PI4K2A: variants seen among roughly 807,000 people sequenced by gnomAD.
The protein encoded by PI4K2A is phosphatidylinositol 4-kinase type 2 alpha.
In PI4K2A, 20 loss-of-function variants were observed where a neutral mutation model predicts 55.0. The ratio of observed to expected loss-of-function variants is 0.36; its 90% CI spans 0.26 to 0.53. PI4K2A has a LOEUF of 0.53. Among genes scored for constraint, PI4K2A ranks in the 20% least tolerant of loss-of-function variants. The probability of loss-of-function intolerance (pLI) is 0.91; values close to 1 mark genes in which losing one functional copy is unlikely to be tolerated. For synonymous variants in PI4K2A, 235 were observed against 258.5 expected (o/e 0.91, Z 0.87); for missense variants, 463 against 637.1 (o/e 0.73, Z 2.94).
exon 2 of PI4K2A, chr10:97,651,111 A>C: frequency 3.7e-6 from 6 of 1,613,572 alleles, no homozygotes; most frequent in Non-Finnish European, 5.1e-6. Flanking sequence ...TGGACCAAAA[A>C]CTGGAACTCA....
At chr10:97,667,737 G>A (rs1564776988) in intron 8 of PI4K2A, among the ~76,000 whole-genome samples, 1 of 152,188 alleles carries the variant, frequency 6.6e-6, no homozygotes, top group Admixed American at 6.5e-5. Flanking sequence ...GTATGTTTTG[G>A]TGGTTAAGAT....
At chr10:97,665,118 A>C (rs564826079) in intron 6 of PI4K2A, 134 bp downstream of exon 6, 11 of 588,522 alleles carry the variant, frequency 1.9e-5, no homozygotes, top group Non-Finnish European at 3.3e-5. Flanking sequence ...AGGCACTTTA[A>C]CACAATGGCT....
rs1183100302 is a variant in PI4K2A at position 97,642,806 on chromosome 10, T to TCTTCCTTCCTTC, written c.435+1665_435+1676dup. On this transcript the variant is annotated intron_variant, in intron 1 of 8. Transcript: ENST00000370631. ...GCCAGAGGCTTGCTTGCTTTCTCTT[T>TCTTCCTTCCTTC]CTTCCTTCCTTCCTTCCTTCCTTCC... is the stretch of plus-strand genomic sequence containing the variant. 2.4e-4 allele frequency among the ~76,000 whole-genome samples: 25 copies of TCTTCCTTCCTTC among 105,388 alleles called. 1 individual carries two copies. Among genetic ancestry groups the TCTTCCTTCCTTC allele is most frequent in the Admixed American group, 1.6e-3 (15 of 9,540 alleles). The allele number at this position is 105,388 out of a possible 152,430, so 69.1% of individuals were successfully genotyped here. A position where few individuals can be genotyped will look rare whatever the true frequency, so the allele number is the denominator to read the frequency against.
chr10:97,664,763 C>T (rs1016402956), intron 5 of PI4K2A, 122 bp from the exon 6 acceptor site: 5 of 660,730 alleles, frequency 7.6e-6, no homozygotes, highest in African/African-American at 7.2e-5. Context: ...CAGAGAGTAG[C>T]TCAAGATAAG....
At chr10:97,665,685 T>TG (rs2041606707) in intron 6 of PI4K2A, among the ~76,000 whole-genome samples, 1 of 152,010 alleles carries the variant, frequency 6.6e-6, no homozygotes, top group Non-Finnish European at 1.5e-5. Flanking sequence ...CTCCTCCTCC[T>TG]GGGTTCACAC....
chr10:97,672,824 C>G (rs926626247), intron 8 of PI4K2A, among the ~76,000 whole-genome samples: 2 of 148,244 alleles, frequency 1.3e-5, no homozygotes, highest in African/African-American at 5.0e-5. Context: ...CTCCACCTCC[C>G]AGGTTCAAGT....
chr10:97,668,693 G>C (rs1014963312), intron 8 of PI4K2A, among the ~76,000 whole-genome samples: 19 of 152,272 alleles, frequency 1.2e-4, no homozygotes, highest in Non-Finnish European at 2.4e-4. Context: ...ATAGCTGTTA[G>C]GATTATGATT....
chr10:97,640,876 G>C (rs1204242501), exon 1 of PI4K2A: 5 of 1,307,538 alleles, frequency 3.8e-6, no homozygotes, highest in Non-Finnish European at 3.9e-6. Context: ...GCCGGCTCGG[G>C]CCCCTCTCCG....
At chr10:97,672,730 T>TTTG (rs1346081703) in intron 8 of PI4K2A, among the ~76,000 whole-genome samples, 1 of 134,562 alleles carries the variant, frequency 7.4e-6, no homozygotes, top group Non-Finnish European at 1.6e-5. Context: ...CTGTTCTTTT[T>TTTG]TTTTTTTTTT....
At chr10:97,666,880 T>G (rs530041674) in intron 7 of PI4K2A, among the ~76,000 whole-genome samples, 181 bp from the exon 8 acceptor site, 2 of 152,164 alleles carry the variant, frequency 1.3e-5, no homozygotes, top group Non-Finnish European at 2.9e-5. Context: ...GAGGAAGATA[T>G]TGACTTGTTT....
At position 97,656,869 on chromosome 10, in the gene PI4K2A, T is replaced by C; in HGVS notation, c.817T>C (p.Trp273Arg). Residue 273 changes from tryptophan to arginine, a missense_variant, in exon 4 of 9, where the codon TGG becomes CGG. Trp to Arg is a moderately radical substitution (Grantham distance 101). Coordinates refer to ENST00000370631, the Ensembl canonical transcript of PI4K2A. The surrounding 1 kb of genome is among the most constrained non-coding windows in gnomAD (Gnocchi z 4.5). ...TGAAGGCTACAAAGATGCAGACTAT[T>C]GGCTGCGGCGTTTTGAAGCAGAACC... 1 of 1,614,064 alleles carries C rather than the reference T, an allele frequency of 6.2e-7. No individual in the cohort carries two copies. The highest frequency in any genetic ancestry group is 1.3e-5 in the African/African-American group (1 of 75,048).
At chr10:97,661,581 C>G (rs2041584612) in intron 4 of PI4K2A, among the ~76,000 whole-genome samples, 1 of 151,258 alleles carries the variant, frequency 6.6e-6, no homozygotes, top group Non-Finnish European at 1.5e-5. Context: ...GTCTTAAACT[C>G]CTGGGCTCAA....
At chr10:97,655,834 C>CA (rs1352953823) in intron 2 of PI4K2A, among the ~76,000 whole-genome samples, 5 of 152,122 alleles carry the variant, frequency 3.3e-5, no homozygotes, top group African/African-American at 1.2e-4. Context: ...CTCGGCCTCT[C>CA]AGAGTGCTGG....
Position 97,672,977 on chromosome 10 carries a change from G to GT in PI4K2A, c.1279-592dup, listed in dbSNP as rs1039321295. Among the ~76,000 whole-genome samples the GT allele has an allele frequency of 4.0e-3, 557 of 137,896 alleles. 1 individual carries two copies. Among genetic ancestry groups the GT allele is most frequent in the East Asian group, 5.9e-3 (28 of 4,752 alleles). The allele number at this position is 137,896 out of a possible 152,430, so 90.5% of individuals were successfully genotyped here. A position where few individuals can be genotyped will look rare whatever the true frequency, so the allele number is the denominator to read the frequency against. ...CTGTTCATTTTTAAGTGTTTTTTGT[G>GT]TTTTTTTTTTTTCTTTTTGTTTTTT... On this transcript the variant is annotated intron_variant, in intron 8 of 8. Coordinates refer to ENST00000370631, the Ensembl canonical transcript of PI4K2A.
At chr10:97,674,660 T>C (rs2041653369) in exon 9 of PI4K2A, 2 of 152,244 alleles carry the variant, frequency 1.3e-5, no homozygotes, top group Admixed American at 1.3e-4. Context: ...TTTTAAATTT[T>C]TTCCCCCCAA....
At chr10:97,657,034 C>T in intron 4 of PI4K2A, 60 bp downstream of exon 4, 14 of 1,574,312 alleles carry the variant, frequency 8.9e-6, no homozygotes, top group Non-Finnish European at 1.1e-5. Context: ...ATGGGGAGGC[C>T]TGGAGGCTTG....
exon 9 of PI4K2A, chr10:97,673,689 G>A: frequency 1.2e-6 from 2 of 1,614,072 alleles, no homozygotes; most frequent in Non-Finnish European, 1.7e-6. Context: ...GTCTTCTAGC[G>A]AGTCCTACAC....
chr10:97,647,566 G>T (rs1033612399), intron 1 of PI4K2A, among the ~76,000 whole-genome samples: 34 of 152,184 alleles, frequency 2.2e-4, no homozygotes, highest in African/African-American at 8.2e-4. Context: ...GCCACCAAAT[G>T]CCTGCAGAAT....
intron 2 of PI4K2A, among the ~76,000 whole-genome samples, chr10:97,654,763 G>T (rs1329190340): frequency 1.3e-5 from 2 of 152,100 alleles, no homozygotes; most frequent in Non-Finnish European, 2.9e-5. Context: ...TGTGATAAGT[G>T]TGACAATAGA....
Sources: allele counts gnomAD v4.1 joint callset (sites outside exome capture counted in the v4.1 genomes callset), GRCh38; gene constraint gnomAD v4.1.1; non-coding constraint Gnocchi (gnomAD v3.1); transcripts MANE v1.5; gene names NCBI Gene and HGNC (gene_info 2026-07-23, HGNC 2026-07-21).